TSPY10: variants seen among roughly 807,000 people sequenced by gnomAD.
TSPY10 encodes testis specific protein Y-linked 10, also known as testis-specific Y-encoded protein 10.
chrY:9,530,607 G>C lies in TSPY10; in HGVS notation c.*119G>C. On this transcript the variant is annotated 3_prime_UTR_variant, in exon 6 of 6. Transcript: ENST00000428845. ...ACAGGAACTAAAGGAAAAACAGATC[G>C]AGTCACAAAAATTCAGGAAGAGGGG... 2.6e-6 allele frequency: 1 copy of C among 379,041 alleles called. No homozygotes were observed. The highest frequency in any genetic ancestry group is 7.7e-5 in the African/African-American group (1 of 12,978). 94.5% of individuals were successfully genotyped at this position (379,041 alleles called of 400,897 possible).
Sources: allele counts gnomAD v4.1 joint callset, GRCh38; gene constraint gnomAD v4.1.1; transcripts MANE v1.5; gene names NCBI Gene and HGNC (gene_info 2026-07-23, HGNC 2026-07-21).